SEMA3A: variants seen among roughly 807,000 people sequenced by gnomAD.
SEMA3A encodes the protein semaphorin-3A.
Under a neutral mutation model 97.9 loss-of-function variants are expected in SEMA3A, and 29 were observed. That is an observed-to-expected ratio of 0.30 (90% confidence interval 0.22 to 0.40). The LOEUF is 0.40. SEMA3A is among the 10% of genes least tolerant of loss of function. SEMA3A has a pLI of 1.00. For synonymous variants in SEMA3A, 321 were observed against 323.7 expected, an observed-to-expected ratio of 0.99 and a Z score of 0.09; for missense variants, 763 against 951.3, an observed-to-expected ratio of 0.80 and a Z score of 2.60.
intron 2 of SEMA3A, among the ~76,000 whole-genome samples, chr7:84,343,796 A>T (rs1432355248): frequency 6.6e-6 from 1 of 152,156 alleles, no homozygotes; most frequent in Admixed American, 6.5e-5. Flanking sequence ...GTGTAAAACA[A>T]GCCTGAGGAA....
At chr7:84,048,989 G>A (rs746066555) in intron 5 of SEMA3A, among the ~76,000 whole-genome samples, 1 of 151,966 alleles carries the variant, frequency 6.6e-6, no homozygotes, top group Non-Finnish European at 1.5e-5. Context: ...ATATTAGACA[G>A]ACAAAAATCA....
intron 1 of SEMA3A, among the ~76,000 whole-genome samples, chr7:84,399,401 T>C (rs1361450053): frequency 6.6e-6 from 1 of 152,132 alleles, no homozygotes; most frequent in Non-Finnish European, 1.5e-5. Flanking sequence ...GCCACACTGC[T>C]CTCAGAGGCT....
At chr7:84,001,548 G>A (rs138537349) in intron 12 of SEMA3A, among the ~76,000 whole-genome samples, 3 of 151,962 alleles carry the variant, frequency 2.0e-5, no homozygotes, top group Non-Finnish European at 4.4e-5. Flanking sequence ...TGACTGAAAT[G>A]TCTTCAGTAT....
At chr7:84,232,735 C>A (rs1190923641) in intron 3 of SEMA3A, among the ~76,000 whole-genome samples, 1 of 151,994 alleles carries the variant, frequency 6.6e-6, no homozygotes, top group Middle Eastern at 3.4e-3. Flanking sequence ...TATTTTCATT[C>A]ATTTTCTTGA....
At position 84,053,222 on chromosome 7, in the gene SEMA3A, T is replaced by C. The variant is rs185249787; in HGVS notation, c.548-6779A>G. On this transcript the variant is annotated intron_variant, in intron 5 of 16. Coordinates refer to ENST00000265362, the MANE Select transcript of SEMA3A (RefSeq NM_006080.3). ...GGGTGGAGAGTTCTGTAGATGTCTA[T>C]TAGGTACGCTTGGCGCAGAGCTGAG... 6.4e-4 allele frequency among the ~76,000 whole-genome samples: 71 copies of C among 111,022 alleles called. 3 individuals are homozygous for C. Among genetic ancestry groups the C allele is most frequent in the African/African-American group, 1.7e-3 (62 of 37,104 alleles). 72.8% of individuals were successfully genotyped at this position (111,022 alleles called of 152,430 possible). A position where few individuals can be genotyped will look rare whatever the true frequency, so the allele number is the denominator to read the frequency against.
chr7:84,391,421 A>G (rs1803572690), intron 1 of SEMA3A, among the ~76,000 whole-genome samples: 2 of 152,102 alleles, frequency 1.3e-5, no homozygotes, highest in South Asian at 4.1e-4. Context: ...AACACGGTGG[A>G]TCCTATGGAA....
rs370049695 is a variant in SEMA3A, at chr7:84,428,268, G to A, written c.-245-56368C>T. Among the ~76,000 whole-genome samples the A allele has an allele frequency of 6.9e-4, 105 of 152,116 alleles. 1 individual carries two copies. The highest frequency in any genetic ancestry group is 2.3e-3 in the African/African-American group (96 of 41,538). On this transcript the variant is annotated intron_variant, in intron 1 of 3. Transcript: ENST00000424555. ...AATTTGATATGCTTGTCGTATTTGTGTGAAAGCTTTGGGAATATCTCTTTA... is the reference window on the plus strand; with the variant it reads ...AATTTGATATGCTTGTCGTATTTGTATGAAAGCTTTGGGAATATCTCTTTA...
At chr7:84,453,425 A>G (rs1212720163) in intron 1 of SEMA3A, among the ~76,000 whole-genome samples, 3 of 151,634 alleles carry the variant, frequency 2.0e-5, no homozygotes, top group African/African-American at 7.3e-5. Context: ...TTTAGTAGAG[A>G]CGGGGTTTCA....
intron 1 of SEMA3A, among the ~76,000 whole-genome samples, chr7:84,376,182 T>C (rs1312970625): frequency 1.3e-5 from 2 of 152,218 alleles, no homozygotes; most frequent in Non-Finnish European, 2.9e-5. Flanking sequence ...TTTGACATAC[T>C]GATTTCCTTT....
chr7:84,469,394 A>G (rs1426145923), intron 1 of SEMA3A, among the ~76,000 whole-genome samples: 2 of 152,196 alleles, frequency 1.3e-5, no homozygotes, highest in Non-Finnish European at 2.9e-5. Flanking sequence ...CATCTGAACA[A>G]AATAAAATGT....
chr7:84,106,924 T>C (rs1353338388), intron 4 of SEMA3A, among the ~76,000 whole-genome samples: 2 of 152,196 alleles, frequency 1.3e-5, no homozygotes, highest in Non-Finnish European at 2.9e-5. Context: ...AAATTATTTG[T>C]TATATGTCTA....
intron 1 of SEMA3A, among the ~76,000 whole-genome samples, chr7:84,142,398 A>C (rs1796321202): frequency 6.6e-6 from 1 of 152,162 alleles, no homozygotes; most frequent in South Asian, 2.1e-4. Context: ...AGTTAATAGG[A>C]GTTCATTCCC....
At chr7:84,059,894 A>G (rs1211405646) in intron 5 of SEMA3A, among the ~76,000 whole-genome samples, 1 of 152,120 alleles carries the variant, frequency 6.6e-6, no homozygotes, top group Non-Finnish European at 1.5e-5. Flanking sequence ...AAGAGTCTGG[A>G]AAAAATTCTT....
At chr7:84,470,747 T>G (rs780709343) in intron 1 of SEMA3A, among the ~76,000 whole-genome samples, 12 of 152,166 alleles carry the variant, frequency 7.9e-5, no homozygotes, top group Middle Eastern at 3.4e-3. Flanking sequence ...GTCCTTAGCA[T>G]TAGCTCTAGA....
At chr7:84,176,552 T>C (rs1036961395) in intron 1 of SEMA3A, among the ~76,000 whole-genome samples, 1 of 152,174 alleles carries the variant, frequency 6.6e-6, no homozygotes, top group Admixed American at 6.5e-5. Context: ...AACAGTGGCT[T>C]AAAAATCCCA....
At chr7:84,171,684 C>T (rs1053163018) in intron 1 of SEMA3A, among the ~76,000 whole-genome samples, 3 of 151,700 alleles carry the variant, frequency 2.0e-5, no homozygotes, top group Admixed American at 6.6e-5. Context: ...ATTTGTAAAA[C>T]CTAAGATGAT....
intron 2 of SEMA3A, among the ~76,000 whole-genome samples, chr7:84,132,927 G>A (rs1026607053): frequency 6.6e-6 from 1 of 151,790 alleles, no homozygotes; most frequent in Admixed American, 6.6e-5. Flanking sequence ...CACCCGCCTT[G>A]GCCTCCTGAA....
intron 4 of SEMA3A, among the ~76,000 whole-genome samples, chr7:84,081,541 C>G (rs1042896932): frequency 2.0e-5 from 3 of 149,182 alleles, no homozygotes; most frequent in African/African-American, 7.5e-5. Context: ...TGCAGTGAGC[C>G]AAGATCACGC....
chr7:84,303,913 A>C (rs1801089298), intron 3 of SEMA3A, among the ~76,000 whole-genome samples: 1 of 152,258 alleles, frequency 6.6e-6, no homozygotes, highest in South Asian at 2.1e-4. Context: ...TGGGTTTATC[A>C]GAATGTAACC....
Sources: gnomAD v4.1 joint callset for allele counts (sites outside exome capture counted in the v4.1 genomes callset) on GRCh38, gnomAD v4.1.1 for gene constraint, MANE v1.5 for transcripts, NCBI Gene and HGNC (gene_info 2026-07-23, HGNC 2026-07-21) for gene names.